Variants in SNTG1 observed in about 807,000 individuals in gnomAD.
The protein encoded by SNTG1 is gamma-1-syntrophin.
SNTG1 carries 39 observed loss-of-function variants against 74.7 expected under a neutral mutation model. The ratio of observed to expected loss-of-function variants is 0.52; its 90% confidence interval spans 0.40 to 0.68. The LOEUF is 0.68. Among genes scored for constraint, SNTG1 ranks in the 30% least tolerant of loss-of-function variants. The pLI is 0.00. For missense variants in SNTG1, 685 were observed against 609.5 expected (o/e 1.12, Z -1.30); for synonymous variants, 254 against 217.1 (o/e 1.17, Z -1.49).
chr8:50,433,209 T>G (rs577813157), intron 4 of SNTG1, among the ~76,000 whole-genome samples: 240 of 152,356 alleles, frequency 1.6e-3, no homozygotes, highest in African/African-American at 5.5e-3. Flanking sequence ...TAATTCCATA[T>G]TCTATGAACT....
chr8:50,348,716 A>T (rs1190414866), intron 2 of SNTG1, among the ~76,000 whole-genome samples: 1 of 152,258 alleles, frequency 6.6e-6, no homozygotes, highest in African/African-American at 2.4e-5. Context: ...TGACAAGTAA[A>T]GTATAATAAC....
chr8:50,164,033 C>A (rs1159398029), intron 1 of SNTG1: 2 of 149,512 alleles, frequency 1.3e-5, no homozygotes, highest in African/African-American at 2.5e-5. Context: ...TTCCTCTTAT[C>A]TCTCTTCCAT....
At chr8:50,365,836 T>C (rs1423667554) in intron 2 of SNTG1, among the ~76,000 whole-genome samples, 1 of 152,206 alleles carries the variant, frequency 6.6e-6, no homozygotes, top group Non-Finnish European at 1.5e-5. Flanking sequence ...TAAAATATTT[T>C]AAAAGCTTAT....
At chr8:50,790,201 T>G (rs1166971177) in intron 18 of SNTG1, among the ~76,000 whole-genome samples, 1 of 151,988 alleles carries the variant, frequency 6.6e-6, no homozygotes, top group Non-Finnish European at 1.5e-5. Flanking sequence ...TAGTCACATT[T>G]TGCCTCCTGT....
At chr8:50,477,315 A>G (rs1274102771) in intron 8 of SNTG1, among the ~76,000 whole-genome samples, 2 of 152,168 alleles carry the variant, frequency 1.3e-5, no homozygotes, top group African/African-American at 4.8e-5. Context: ...TGAGAGTCCT[A>G]TCAATAGCAT....
intron 18 of SNTG1, among the ~76,000 whole-genome samples, chr8:50,779,036 G>A (rs374196306): frequency 1.7e-4 from 26 of 152,118 alleles, no homozygotes; most frequent in South Asian, 1.5e-3. Context: ...TATTTCTGAG[G>A]GCTCTGTTGT....
chr8:50,209,871 A>T (rs1463194218), intron 2 of SNTG1, among the ~76,000 whole-genome samples: 1 of 152,068 alleles, frequency 6.6e-6, no homozygotes, highest in Non-Finnish European at 1.5e-5. Context: ...TGGATGGAGA[A>T]TGACTTTGTT....
chr8:50,288,382 T>A (rs1245610271), intron 2 of SNTG1, among the ~76,000 whole-genome samples: 2 of 152,208 alleles, frequency 1.3e-5, no homozygotes, highest in African/African-American at 4.8e-5. Context: ...TTTACTGGTC[T>A]AATTGGTTTA....
At chr8:50,039,775 A>T (rs1278452579) in intron 1 of SNTG1, among the ~76,000 whole-genome samples, 1 of 152,080 alleles carries the variant, frequency 6.6e-6, no homozygotes, top group African/African-American at 2.4e-5. Flanking sequence ...AATTGGTCAA[A>T]TCGGTGTTAT....
intron 2 of SNTG1, among the ~76,000 whole-genome samples, chr8:50,308,615 A>G (rs1459207509): frequency 3.3e-5 from 5 of 152,164 alleles, no homozygotes; most frequent in Non-Finnish European, 7.3e-5. Context: ...TAATATTCCA[A>G]GTTATATTAA....
intron 1 of SNTG1, among the ~76,000 whole-genome samples, chr8:50,115,971 T>G (rs1232926132): frequency 1.3e-5 from 2 of 152,136 alleles, no homozygotes; most frequent in Non-Finnish European, 2.9e-5. Flanking sequence ...TTTGCCACTG[T>G]GCAGCTGAAG....
intron 4 of SNTG1, among the ~76,000 whole-genome samples, chr8:50,405,618 AT>A (rs1435238996): frequency 1.3e-5 from 2 of 152,048 alleles, no homozygotes; most frequent in African/African-American, 4.8e-5. Flanking sequence ...CTCTATTAGT[AT>A]TTTTGATGCA....
intron 11 of SNTG1, among the ~76,000 whole-genome samples, chr8:50,541,558 T>C (rs2094347144): frequency 6.6e-6 from 1 of 152,130 alleles, no homozygotes; most frequent in South Asian, 2.1e-4. Flanking sequence ...TGCATAGTTT[T>C]AGAATACATG....
chr8:50,533,330 C>T (rs1244564978), intron 10 of SNTG1, among the ~76,000 whole-genome samples: 1 of 152,130 alleles, frequency 6.6e-6, no homozygotes, highest in African/African-American at 2.4e-5. Flanking sequence ...GCAGTTTGCC[C>T]TTTGTGCAGT....
chr8:50,265,960 A>G (rs1269582575), intron 2 of SNTG1, among the ~76,000 whole-genome samples: 1 of 152,126 alleles, frequency 6.6e-6, no homozygotes, highest in East Asian at 1.9e-4. Flanking sequence ...GAATAGAAAG[A>G]CATACCATAT....
At chr8:49,997,664 T>C (rs746284832) in intron 1 of SNTG1, among the ~76,000 whole-genome samples, 20 of 152,176 alleles carry the variant, frequency 1.3e-4, no homozygotes, top group Non-Finnish European at 2.9e-4. Flanking sequence ...AGAAATATTT[T>C]ATCACTTGAC....
intron 4 of SNTG1, among the ~76,000 whole-genome samples, chr8:50,425,065 A>G (rs951787745): frequency 3.3e-5 from 5 of 152,210 alleles, no homozygotes; most frequent in East Asian, 1.9e-4. Context: ...ATGGAAGACA[A>G]TAAATCACAA....
rs1563336980 is a variant in SNTG1, at chr8:49,911,620, G to A, written c.-714G>A. On this transcript the variant is annotated 5_prime_UTR_variant, in exon 1 of 19. Transcript: ENST00000642720. ...GGGAGAAGGCTAGGGCGGAAGACAA[G>A]GAAGCTGCTGCTTGGATTCGCTGGT... The A allele has an allele frequency of 6.6e-6, 1 of 151,922 alleles. No homozygotes were observed. The highest frequency in any genetic ancestry group is 2.4e-5 in the African/African-American group (1 of 41,392). 9.4% of individuals were successfully genotyped at this position (151,922 alleles called of 1,614,324 possible).
chr8:50,579,877 C>A (rs2094599100), intron 12 of SNTG1, among the ~76,000 whole-genome samples: 1 of 152,194 alleles, frequency 6.6e-6, no homozygotes, highest in Admixed American at 6.5e-5. Context: ...TCTGCTAGGG[C>A]AGTGAAGAAG....
Sources: gnomAD v4.1 joint callset for allele counts (sites outside exome capture counted in the v4.1 genomes callset) on GRCh38, gnomAD v4.1.1 for gene constraint, MANE v1.5 for transcripts, NCBI Gene and HGNC (gene_info 2026-07-23, HGNC 2026-07-21) for gene names.